Variants in INSC observed in about 807,000 individuals in gnomAD.
The protein encoded by INSC is INSC spindle orientation adaptor protein.
Under a neutral mutation model 58.6 loss-of-function variants are expected in INSC, and 67 were observed. The ratio of observed to expected loss-of-function variants is 1.14; its 90% CI spans 0.94 to 1.40. The LOEUF is 1.40. Ranked by LOEUF, INSC falls within the 40% of genes most tolerant of loss-of-function variation. The probability of loss-of-function intolerance (pLI) is 0.00; values close to 1 mark genes in which losing one functional copy is unlikely to be tolerated. For missense variants in INSC, 714 were observed against 692.0 expected (o/e 1.03, Z -0.36); for synonymous variants, 262 against 276.1 (o/e 0.95, Z 0.51).
chr11:15,122,970 C>T (rs72859826), intron 1 of INSC, among the ~76,000 whole-genome samples: 2 of 152,280 alleles, frequency 1.3e-5, no homozygotes, highest in Non-Finnish European at 2.9e-5. Flanking sequence ...CTTGCCTGGC[C>T]CTGCTGCCCT....
At chr11:15,262,656 A>G in the INSC span, among the ~76,000 whole-genome samples, 1 of 4,888 alleles carries the variant, frequency 2.0e-4, no homozygotes, top group Admixed American at 2.7e-3. Context: ...TGGGTGATAA[A>G]CACACACACA....
rs577014533 is a variant in INSC, at chr11:15,182,158, C to T, written c.579+3711C>T. On this transcript the variant is annotated intron_variant, in intron 5 of 12. Transcript: ENST00000379556. ...TAATTCTGGATACATAATACTATCA[C>T]AGCACTACACATATATTCTGAGAAA... Among the ~76,000 whole-genome samples the T allele has an allele frequency of 1.3e-4, 20 of 152,292 alleles. No individual in the cohort carries two copies. In the South Asian group the frequency reaches 3.3e-3, roughly 25 times the overall value.
chr11:15,222,846 A>G (rs1851496869), intron 8 of INSC, among the ~76,000 whole-genome samples: 1 of 152,230 alleles, frequency 6.6e-6, no homozygotes, highest in Non-Finnish European at 1.5e-5. Flanking sequence ...GAAAACATGG[A>G]AGCCCATTGT....
At chr11:15,170,775 C>T (rs1203920543) in intron 2 of INSC, among the ~76,000 whole-genome samples, 3 of 152,148 alleles carry the variant, frequency 2.0e-5, no homozygotes, top group Non-Finnish European at 4.4e-5. Context: ...AACACATATA[C>T]AGTCATCTAT....
At chr11:15,259,231 C>T in the INSC span, among the ~76,000 whole-genome samples, 1 of 152,096 alleles carries the variant, frequency 6.6e-6, no homozygotes, top group Non-Finnish European at 1.5e-5. Context: ...GTTGGATACA[C>T]CCTATCAAAA....
upstream of INSC, among the ~76,000 whole-genome samples, chr11:15,113,564 C>G (rs943234983): frequency 6.6e-6 from 1 of 152,186 alleles, no homozygotes; most frequent in Admixed American, 6.5e-5. Context: ...CCCAGCCAGG[C>G]GGCACCAAGC....
chr11:15,240,122 T>C (rs2271831), intron 11 of INSC, among the ~76,000 whole-genome samples: 69,735 of 151,864 alleles, frequency 0.46, 17,000 homozygotes, highest in East Asian at 0.75. Context: ...GTAGAGTCTG[T>C]AGTTTTATTT....
chr11:15,125,844 C>A, intron 1 of INSC, among the ~76,000 whole-genome samples: 1 of 152,040 alleles, frequency 6.6e-6, no homozygotes, highest in Non-Finnish European at 1.5e-5. Flanking sequence ...TGAATGGTGT[C>A]AACACTTCAG....
chr11:15,202,973 C>T (rs1038007139), intron 7 of INSC, among the ~76,000 whole-genome samples: 1 of 152,188 alleles, frequency 6.6e-6, no homozygotes, highest in African/African-American at 2.4e-5. Context: ...AAGAGATGCT[C>T]GTAGTCTGGG....
chr11:15,222,114 T>C (rs1244940865), intron 8 of INSC, among the ~76,000 whole-genome samples: 2 of 152,330 alleles, frequency 1.3e-5, no homozygotes, highest in Admixed American at 6.5e-5. Context: ...AATCCCACCA[T>C]TGGCCTCATA....
At chr11:15,171,578 C>G (rs1714382) in intron 2 of INSC, among the ~76,000 whole-genome samples, 78,721 of 152,034 alleles carry the variant, frequency 0.52, 21,228 homozygotes, top group East Asian at 0.93. Context: ...ATATGACCAC[C>G]TCCTCCAGGC....
chr11:15,151,171 C>G (rs552906171), intron 2 of INSC, among the ~76,000 whole-genome samples: 2 of 152,308 alleles, frequency 1.3e-5, no homozygotes, highest in African/African-American at 2.4e-5. Flanking sequence ...GCAAGCATTA[C>G]TGCCTGAGCT....
intron 5 of INSC, among the ~76,000 whole-genome samples, chr11:15,190,042 C>T (rs1850106532): frequency 6.6e-6 from 1 of 152,206 alleles, no homozygotes; most frequent in Non-Finnish European, 1.5e-5. Flanking sequence ...CATCACTAGC[C>T]TCAGGTTCAT....
chr11:15,146,757 T>A (rs538877201), intron 1 of INSC, among the ~76,000 whole-genome samples: 2 of 152,338 alleles, frequency 1.3e-5, no homozygotes, highest in East Asian at 3.9e-4. Context: ...AATAGGCTAT[T>A]GAATGTACAG....
chr11:15,167,053 ATTTTTT>A (rs1849222544), intron 2 of INSC, among the ~76,000 whole-genome samples: 2 of 151,486 alleles, frequency 1.3e-5, no homozygotes, highest in Non-Finnish European at 3.0e-5. Flanking sequence ...ATTTTTTTTT[ATTTTTT>A]ATTTCACTGT....
At chr11:15,134,733 T>C (rs542551566) in intron 1 of INSC, among the ~76,000 whole-genome samples, 2 of 152,332 alleles carry the variant, frequency 1.3e-5, no homozygotes, top group South Asian at 2.1e-4. Context: ...CCAATATTAG[T>C]GGCTTAACAT....
intron 5 of INSC, among the ~76,000 whole-genome samples, chr11:15,182,652 C>T: frequency 6.6e-6 from 1 of 152,172 alleles, no homozygotes; most frequent in East Asian, 1.9e-4. Context: ...CTCCAGCATG[C>T]ATTGATTTGG....
chr11:15,160,734 A>G (rs755919690), intron 2 of INSC, among the ~76,000 whole-genome samples: 35 of 152,238 alleles, frequency 2.3e-4, no homozygotes, highest in Non-Finnish European at 3.7e-4. Flanking sequence ...TCAGATGTAC[A>G]CATTGGCTCA....
chr11:15,160,690 A>G (rs1335455349), intron 2 of INSC, among the ~76,000 whole-genome samples: 1 of 152,240 alleles, frequency 6.6e-6, no homozygotes. Context: ...AGTTAACAAG[A>G]TGGGGCTCTG....
Sources: gnomAD v4.1 joint callset for allele counts (sites outside exome capture counted in the v4.1 genomes callset) on GRCh38, gnomAD v4.1.1 for gene constraint, MANE v1.5 for transcripts, NCBI Gene and HGNC (gene_info 2026-07-23, HGNC 2026-07-21) for gene names.